Variants in CNTN5 observed in about 807,000 individuals in gnomAD.
The protein encoded by CNTN5 is contactin 5, also known as contactin-5.
A neutral mutation model predicts 129.1 loss-of-function variants in CNTN5; 77 were observed. The observed-to-expected ratio is 0.60, with a 90% CI of 0.50 to 0.72. The LOEUF (loss-of-function observed/expected upper bound fraction) is 0.72. Among genes scored for constraint, CNTN5 ranks in the 30% least tolerant of loss-of-function variants. The pLI is 0.00. For synonymous variants in CNTN5, 509 were observed against 465.6 expected (o/e 1.09, Z -1.20); for missense variants, 1,478 against 1,328.8 (o/e 1.11, Z -1.75).
At chr11:99,062,159 A>C (rs913935707) in intron 1 of CNTN5, among the ~76,000 whole-genome samples, 7 of 152,158 alleles carry the variant, frequency 4.6e-5, no homozygotes, top group Non-Finnish European at 1.0e-4. Context: ...TCTTTTCAAA[A>C]ATGAGACCAT....
chr11:99,230,105 T>C (rs1425292289), intron 1 of CNTN5, among the ~76,000 whole-genome samples: 1 of 152,126 alleles, frequency 6.6e-6, no homozygotes, highest in Non-Finnish European at 1.5e-5. Context: ...ATGATTCTTC[T>C]ATTGTTAAAA....
chr11:99,479,973 A>T (rs1043910577), intron 2 of CNTN5, among the ~76,000 whole-genome samples: 13 of 151,320 alleles, frequency 8.6e-5, no homozygotes, highest in African/African-American at 3.2e-4. Context: ...AAGAAAGAAA[A>T]AAAGCTAAAC....
intron 1 of CNTN5, among the ~76,000 whole-genome samples, chr11:99,128,338 G>A (rs61893379): frequency 6.6e-6 from 1 of 152,134 alleles, no homozygotes; most frequent in East Asian, 1.9e-4. Context: ...GGACTGGGTG[G>A]TACTCCCCAC....
chr11:99,701,388 A>G lies in CNTN5; in HGVS notation c.56-118156A>G, dbSNP rs377192925. ...TATTGATATAACCATCTATTTTTTC[A>G]ATAGGTAATAGAATACAAGCTGGTC... On this transcript the variant is annotated intron_variant, in intron 3 of 24. Coordinates refer to ENST00000524871, the MANE Select transcript of CNTN5 (RefSeq NM_014361.4). Among the ~76,000 whole-genome samples, 4 of 151,238 alleles carry G rather than the reference A, an allele frequency of 2.6e-5. No homozygotes were observed. The South Asian group carries it at 6.2e-4, about 24-fold the overall frequency.
At chr11:99,340,246 A>G (rs1866446545) in intron 2 of CNTN5, among the ~76,000 whole-genome samples, 1 of 152,128 alleles carries the variant, frequency 6.6e-6, no homozygotes, top group African/African-American at 2.4e-5. Context: ...TGGGGTGCGT[A>G]TTTGATATAC....
At chr11:100,010,880 A>G (rs975928438) in intron 9 of CNTN5, among the ~76,000 whole-genome samples, 4 of 152,050 alleles carry the variant, frequency 2.6e-5, no homozygotes, top group East Asian at 1.9e-4. Flanking sequence ...CCCCTCCTCC[A>G]TTAATCCTCC....
intron 2 of CNTN5, among the ~76,000 whole-genome samples, chr11:99,493,633 T>C (rs1946117765): frequency 6.6e-6 from 1 of 152,122 alleles, no homozygotes; most frequent in South Asian, 2.1e-4. Context: ...CAAATACATA[T>C]ATAATATGAT....
intron 2 of CNTN5, among the ~76,000 whole-genome samples, chr11:99,329,905 A>T (rs1349509825): frequency 8.0e-6 from 1 of 125,512 alleles, no homozygotes; most frequent in African/African-American, 2.9e-5. Context: ...CTGTACATAT[A>T]CAAGCAGTGA....
At chr11:99,683,324 G>A (rs991273503) in intron 3 of CNTN5, among the ~76,000 whole-genome samples, 2 of 151,658 alleles carry the variant, frequency 1.3e-5, no homozygotes. Flanking sequence ...TATCATTTGA[G>A]GTAGGAATTA....
chr11:99,192,433 A>G (rs1425304673), intron 1 of CNTN5, among the ~76,000 whole-genome samples: 1 of 151,508 alleles, frequency 6.6e-6, no homozygotes, highest in East Asian at 1.9e-4. Flanking sequence ...CTTCAAGTTG[A>G]TTAATGGAAA....
intron 1 of CNTN5, among the ~76,000 whole-genome samples, chr11:99,107,588 G>A (rs553236672): frequency 1.3e-5 from 2 of 152,002 alleles, no homozygotes; most frequent in Non-Finnish European, 2.9e-5. Flanking sequence ...TATTTGCAAT[G>A]AGCTTAAAGT....
At chr11:100,028,112 C>T (rs1399237567) in intron 9 of CNTN5, among the ~76,000 whole-genome samples, 1 of 151,908 alleles carries the variant, frequency 6.6e-6, no homozygotes, top group East Asian at 1.9e-4. Context: ...TAGAGTGATT[C>T]TTTGACAGAA....
rs77926494 is a variant in CNTN5 at position 99,129,018 on chromosome 11, A to G, written c.-210+107748A>G. ...GAAAATAAGGAAAAACCAAGCAAAAATGCTGAAAATTTCAAAAGCCAGAAA... is the reference window on the plus strand; with the variant it reads ...GAAAATAAGGAAAAACCAAGCAAAAGTGCTGAAAATTTCAAAAGCCAGAAA... On this transcript the variant is annotated intron_variant, in intron 1 of 24. Coordinates refer to ENST00000524871, the MANE Select transcript of CNTN5 (RefSeq NM_014361.4). Among the ~76,000 whole-genome samples the G allele has an allele frequency of 6.6e-3, 1,008 of 152,280 alleles. 11 individuals are homozygous for G. Among genetic ancestry groups the G allele is most frequent in the African/African-American group, 0.023 (969 of 41,566 alleles).
chr11:99,388,956 A>C (rs1941079729), intron 2 of CNTN5, among the ~76,000 whole-genome samples: 1 of 150,106 alleles, frequency 6.7e-6, no homozygotes, highest in Non-Finnish European at 1.5e-5. Context: ...TCTTTAACTC[A>C]ATTTAAGACA....
chr11:100,151,400 G>A (rs1947048642), intron 13 of CNTN5, among the ~76,000 whole-genome samples: 1 of 151,958 alleles, frequency 6.6e-6, no homozygotes, highest in African/African-American at 2.4e-5. Context: ...TGCGTGAAGG[G>A]GTAGGGGGAG....
chr11:99,480,669 T>C (rs926670519), intron 2 of CNTN5, among the ~76,000 whole-genome samples: 5 of 152,210 alleles, frequency 3.3e-5, no homozygotes, highest in African/African-American at 1.2e-4. Flanking sequence ...ATGTAACTTC[T>C]GTTACTATTG....
chr11:99,726,961 T>C (rs1943361982), intron 3 of CNTN5, among the ~76,000 whole-genome samples: 1 of 152,166 alleles, frequency 6.6e-6, no homozygotes, highest in Non-Finnish European at 1.5e-5. Context: ...GAAACTATCT[T>C]AGTCTAGTTT....
chr11:99,442,312 G>A (rs1591064729), intron 2 of CNTN5, among the ~76,000 whole-genome samples: 1 of 152,114 alleles, frequency 6.6e-6, no homozygotes, highest in East Asian at 1.9e-4. Context: ...TGGGATTACA[G>A]GCATGTGCCA....
intron 3 of CNTN5, among the ~76,000 whole-genome samples, chr11:99,663,696 C>T (rs748478421): frequency 6.6e-6 from 1 of 152,074 alleles, no homozygotes; most frequent in East Asian, 1.9e-4. Flanking sequence ...GCTCTTACCC[C>T]TTTGCTCTTT....
Sources: allele counts gnomAD v4.1 joint callset (sites outside exome capture counted in the v4.1 genomes callset), GRCh38; gene constraint gnomAD v4.1.1; transcripts MANE v1.5; gene names NCBI Gene and HGNC (gene_info 2026-07-23, HGNC 2026-07-21).